FGF9: variants seen among roughly 807,000 people sequenced by gnomAD.
The protein encoded by FGF9 is fibroblast growth factor 9, also known as fibroblast growth factor 9 (glia-activating factor).
FGF9 carries 3 observed loss-of-function variants against 19.9 expected under a neutral mutation model. The observed-to-expected ratio is 0.15, with a 90% CI of 0.07 to 0.39. The LOEUF (loss-of-function observed/expected upper bound fraction) is 0.39, where lower values mean the gene tolerates loss of function less well. Among genes scored for constraint, FGF9 ranks in the 10% least tolerant of loss-of-function variants. The pLI is 1.00. For synonymous variants in FGF9, 107 were observed against 106.9 expected (o/e 1.00, Z -0.01); for missense variants, 175 against 256.8 (o/e 0.68, Z 2.18).
At chr13:21,677,117 G>A (rs1871936094) in intron 1 of FGF9, among the ~76,000 whole-genome samples, 1 of 152,138 alleles carries the variant, frequency 6.6e-6, no homozygotes, top group South Asian at 2.1e-4. Flanking sequence ...CTGTGGAAGA[G>A]AACAAAGAAA....
chr13:21,671,907 C>A lies in FGF9; in HGVS notation c.-6C>A. The A allele has an allele frequency of 6.2e-7, 1 of 1,614,144 alleles. No individual in the cohort carries two copies. ...TATTCTTGTGCTCCAAAAGCCGAGT[C>A]CTCTGATGGCTCCCTTAGGTGAAGT... On this transcript the variant is annotated 5_prime_UTR_variant, in exon 1 of 3. Coordinates refer to ENST00000382353, the MANE Select transcript of FGF9 (RefSeq NM_002010.3).
intron 2 of FGF9, among the ~76,000 whole-genome samples, chr13:21,693,812 T>G (rs1872346706): frequency 6.6e-6 from 1 of 152,182 alleles, no homozygotes. Context: ...TCTTCTTCCC[T>G]GTCCTTTCCT....
intron 1 of FGF9, among the ~76,000 whole-genome samples, chr13:21,676,770 A>G (rs1040886466): frequency 6.6e-6 from 1 of 152,202 alleles, no homozygotes; most frequent in Non-Finnish European, 1.5e-5. Context: ...CTCTTAAGCC[A>G]GAGAACCATG....
At chr13:21,696,001 G>A (rs1183694826) in intron 2 of FGF9, among the ~76,000 whole-genome samples, 4 of 152,168 alleles carry the variant, frequency 2.6e-5, no homozygotes, top group Non-Finnish European at 4.4e-5. Context: ...AAGTCTATAC[G>A]TTTTCAATAA....
In FGF9 at chr13:21,691,303, G is replaced by A. The variant is rs555516167; in HGVS notation, c.382-9887G>A. Among the ~76,000 whole-genome samples the A allele has an allele frequency of 2.0e-5, 3 of 152,294 alleles. No individual in the cohort carries two copies. The East Asian group carries it at 5.8e-4, about 29-fold the overall frequency. ...TGAATGTTAGAATTATAAACAAAAG[G>A]GGCTTGGAGAGCTTGCAGGAGGGAG... is the stretch of plus-strand genomic sequence containing the variant. On this transcript the variant is annotated intron_variant, in intron 2 of 2. Transcript: ENST00000382353. The surrounding 1 kb of genome is among the most constrained non-coding windows in gnomAD (Gnocchi z 4.2).
At chr13:21,686,238 G>A (rs565556734) in intron 2 of FGF9, among the ~76,000 whole-genome samples, 25 of 152,138 alleles carry the variant, frequency 1.6e-4, no homozygotes, top group Admixed American at 8.5e-4. Flanking sequence ...CATGTTGACC[G>A]GGCTGATCTT....
intron 1 of FGF9, among the ~76,000 whole-genome samples, chr13:21,673,835 C>T (rs1241427993): frequency 6.6e-6 from 1 of 150,970 alleles, no homozygotes; most frequent in Non-Finnish European, 1.5e-5. Flanking sequence ...CCCGCGCTCG[C>T]GGTCGGCAGG....
intron 1 of FGF9, among the ~76,000 whole-genome samples, 189 bp from the exon 2 acceptor site, chr13:21,680,853 T>C (rs1256899667): frequency 1.3e-5 from 2 of 152,240 alleles, no homozygotes; most frequent in African/African-American, 2.4e-5. Flanking sequence ...TATGATAAGA[T>C]AGAATTTAGT....
chr13:21,674,351 G>C (rs913740739), intron 1 of FGF9: 3 of 152,020 alleles, frequency 2.0e-5, no homozygotes, highest in Non-Finnish European at 2.9e-5. Flanking sequence ...GAAAGGAGTG[G>C]GGGTGGGGGG....
At chr13:21,686,079 G>C in intron 2 of FGF9, among the ~76,000 whole-genome samples, 1 of 152,164 alleles carries the variant, frequency 6.6e-6, no homozygotes, top group Non-Finnish European at 1.5e-5. Flanking sequence ...TTTTTTGATG[G>C]AGTCTTACTC....
chr13:21,683,944 G>T (rs1363597289), intron 2 of FGF9, among the ~76,000 whole-genome samples: 1 of 152,248 alleles, frequency 6.6e-6, no homozygotes, highest in East Asian at 1.9e-4. Flanking sequence ...ATGAACCGCT[G>T]CCTGGATCTG....
rs77697655 is a variant in FGF9, at chr13:21,689,315, G to A, written c.381+8170G>A. 6.4e-3 allele frequency among the ~76,000 whole-genome samples: 971 copies of A among 152,310 alleles called. 4 individuals are homozygous for A. The highest frequency in any genetic ancestry group is 0.022 in the African/African-American group (918 of 41,566). ...AAGCTGCCCCATTTTGTAAAGCAGA[G>A]CTCTGCGAAGGCAGGGACTTGGTGA... On this transcript the variant is annotated intron_variant, in intron 2 of 2. Transcript: ENST00000382353.
intron 1 of FGF9, among the ~76,000 whole-genome samples, chr13:21,674,689 C>T (rs555255451): frequency 1.4e-4 from 21 of 151,958 alleles, no homozygotes; most frequent in Admixed American, 6.5e-4. Flanking sequence ...TCTTCACGCA[C>T]CCCTTCCCTC....
chr13:21,677,518 C>G (rs1390393514), intron 1 of FGF9, among the ~76,000 whole-genome samples: 1 of 152,104 alleles, frequency 6.6e-6, no homozygotes, highest in Non-Finnish European at 1.5e-5. Flanking sequence ...GGCACCAGCT[C>G]CACCCCAGAG....
intron 2 of FGF9, among the ~76,000 whole-genome samples, chr13:21,698,237 A>G (rs1872460388): frequency 6.6e-6 from 1 of 152,194 alleles, no homozygotes; most frequent in Non-Finnish European, 1.5e-5. Flanking sequence ...CATAATAACA[A>G]GATCCTGTGG....
At chr13:21,682,213 A>G (rs1464292911) in intron 2 of FGF9, among the ~76,000 whole-genome samples, 1 of 151,780 alleles carries the variant, frequency 6.6e-6, no homozygotes, top group Non-Finnish European at 1.5e-5. Flanking sequence ...AGGTCACGCT[A>G]TGTTGCTCAG....
intron 1 of FGF9, among the ~76,000 whole-genome samples, chr13:21,675,018 G>A (rs1350602103): frequency 2.0e-5 from 3 of 147,562 alleles, no homozygotes. Context: ...GGGATGTGGG[G>A]GCTGGGGGGG....
chr13:21,679,486 GT>G (rs1162601865), intron 1 of FGF9, among the ~76,000 whole-genome samples: 1 of 151,834 alleles, frequency 6.6e-6, no homozygotes, highest in Non-Finnish European at 1.5e-5. Context: ...GTTACCCTAA[GT>G]TTTTTTCTGA....
chr13:21,673,843 A>G (rs1246241820), intron 1 of FGF9, among the ~76,000 whole-genome samples: 1 of 150,584 alleles, frequency 6.6e-6, no homozygotes, highest in Non-Finnish European at 1.5e-5. Context: ...CGCGGTCGGC[A>G]GGTGCCCGCT....
Sources: allele counts gnomAD v4.1 joint callset (sites outside exome capture counted in the v4.1 genomes callset), GRCh38; gene constraint gnomAD v4.1.1; non-coding constraint Gnocchi (gnomAD v3.1); transcripts MANE v1.5; gene names NCBI Gene and HGNC (gene_info 2026-07-23, HGNC 2026-07-21).